PXDNL: variants seen among roughly 807,000 people sequenced by gnomAD.
PXDNL encodes the protein probable oxidoreductase PXDNL.
A neutral mutation model predicts 150.8 loss-of-function variants in PXDNL; 145 were observed. That is an observed-to-expected ratio of 0.96 (90% CI 0.84 to 1.10). The LOEUF is 1.10. Ranked by LOEUF, PXDNL falls within the 50% of genes least tolerant of loss-of-function variation. The probability of loss-of-function intolerance (pLI) is 0.00; values close to 1 mark genes in which losing one functional copy is unlikely to be tolerated. For synonymous variants in PXDNL, 757 were observed against 725.7 expected, an observed-to-expected ratio of 1.04 and a Z score of -0.69; for missense variants, 2,087 against 1,873.9, an observed-to-expected ratio of 1.11 and a Z score of -2.10.
chr8:51,741,944 T>C (rs1250245754), intron 1 of PXDNL, among the ~76,000 whole-genome samples: 1 of 152,182 alleles, frequency 6.6e-6, no homozygotes, highest in Non-Finnish European at 1.5e-5. Context: ...ACATAAAAGA[T>C]CACAGCGTTT....
At chr8:51,610,776 C>T (rs935431380) in intron 2 of PXDNL, among the ~76,000 whole-genome samples, 5 of 152,200 alleles carry the variant, frequency 3.3e-5, no homozygotes, top group African/African-American at 1.2e-4. Flanking sequence ...TGGAGAACTG[C>T]AGCCCTCAGC....
At chr8:51,578,037 GGAAGGAAGGAAGGAAA>G (rs1001157369) in intron 3 of PXDNL, among the ~76,000 whole-genome samples, 1 of 105,154 alleles carries the variant, frequency 9.5e-6, no homozygotes, top group Non-Finnish European at 1.8e-5. Flanking sequence ...AAGGAAGGAA[GGAAGGAAGGAAGGAAA>G]GAAAGAAAGG....
chr8:51,683,940 T>C (rs561267485), intron 1 of PXDNL, among the ~76,000 whole-genome samples: 61 of 152,310 alleles, frequency 4.0e-4, no homozygotes, highest in African/African-American at 1.4e-3. Context: ...TTCTGCCCCT[T>C]TCCCTCCCAC....
chr8:51,797,575 T>C (rs74753985), intron 1 of PXDNL, among the ~76,000 whole-genome samples: 1 of 152,088 alleles, frequency 6.6e-6, no homozygotes, highest in South Asian at 2.1e-4. Context: ...CCATTCACAA[T>C]TGCTACAAAG....
intron 12 of PXDNL, among the ~76,000 whole-genome samples, chr8:51,442,804 G>A (rs575273969): frequency 3.3e-5 from 5 of 151,850 alleles, no homozygotes; most frequent in Non-Finnish European, 5.9e-5. Context: ...GTGTGGATAC[G>A]CAAGGGCTTT....
intron 4 of PXDNL, among the ~76,000 whole-genome samples, chr8:51,519,196 G>A (rs987087854): frequency 6.6e-6 from 1 of 152,190 alleles, no homozygotes; most frequent in Non-Finnish European, 1.5e-5. Flanking sequence ...GATTGGATAT[G>A]TAGAACAAAA....
intron 3 of PXDNL, among the ~76,000 whole-genome samples, chr8:51,572,652 T>G (rs543245648): frequency 4.3e-4 from 62 of 142,544 alleles, no homozygotes; most frequent in Admixed American, 1.6e-3. Flanking sequence ...ATATGGTGAA[T>G]GTACTTTATG....
chr8:51,673,497 G>T (rs1815543077), intron 1 of PXDNL, among the ~76,000 whole-genome samples: 1 of 152,082 alleles, frequency 6.6e-6, no homozygotes, highest in Admixed American at 6.5e-5. Flanking sequence ...TAAGAAGAAA[G>T]ATCAGAAGCT....
intron 12 of PXDNL, among the ~76,000 whole-genome samples, chr8:51,444,446 G>A (rs765947076): frequency 6.6e-6 from 1 of 152,080 alleles, no homozygotes; most frequent in Non-Finnish European, 1.5e-5. Context: ...CAAATAATGA[G>A]ACAGAAGTGA....
intron 19 of PXDNL, among the ~76,000 whole-genome samples, chr8:51,363,464 G>A (rs1171582893): frequency 6.6e-6 from 1 of 152,144 alleles, no homozygotes; most frequent in African/African-American, 2.4e-5. Context: ...AACTCTAGGG[G>A]TTCCACGTGA....
intron 4 of PXDNL, among the ~76,000 whole-genome samples, chr8:51,516,425 C>A (rs529962648): frequency 3.3e-5 from 5 of 152,272 alleles, no homozygotes; most frequent in African/African-American, 1.2e-4. Flanking sequence ...CTTTGACAGA[C>A]ACAAATTACA....
intron 8 of PXDNL, among the ~76,000 whole-genome samples, 155 bp from the exon 9 acceptor site, chr8:51,457,822 A>G (rs1809970199): frequency 6.6e-6 from 1 of 152,196 alleles, no homozygotes; most frequent in Non-Finnish European, 1.5e-5. Context: ...TTCACTTTAA[A>G]TCCTAGTTAT....
chr8:51,501,406 G>A (rs901493019), intron 4 of PXDNL, among the ~76,000 whole-genome samples: 1 of 149,370 alleles, frequency 6.7e-6, no homozygotes, highest in Non-Finnish European at 1.5e-5. Flanking sequence ...ACTCTCACAT[G>A]CTCAGACTCC....
At chr8:51,358,030 A>T (rs1162050209) in intron 19 of PXDNL, among the ~76,000 whole-genome samples, 5 of 152,244 alleles carry the variant, frequency 3.3e-5, no homozygotes, top group African/African-American at 1.2e-4. Context: ...AAGATTCATT[A>T]TAAAAAAGAA....
chr8:51,676,327 A>G (rs1328886631), intron 1 of PXDNL, among the ~76,000 whole-genome samples: 6 of 151,636 alleles, frequency 4.0e-5, no homozygotes, highest in South Asian at 2.1e-4. Context: ...CCCAGGCTGG[A>G]GTGCAGTAGC....
At position 51,408,822 on chromosome 8, in the gene PXDNL, C is replaced by A; in HGVS notation, c.2802G>T (p.Leu934Phe). The A allele has an allele frequency of 6.4e-7, 1 of 1,571,216 alleles. No homozygotes were observed. Among genetic ancestry groups the A allele is most frequent in the Non-Finnish European group, 8.6e-7 (1 of 1,159,668 alleles). ...FPWPPSGKPL[L>F]PFSTGPPTEC... ...CGGTGGGTGGGCCTGTAGAAAAGGG[C>A]AATAAGGGCTTTCCGGAGGGAGGCC... The change falls in exon 17 of 23, where the codon TTG (leucine) becomes TTT (phenylalanine). Residue 934 changes from leucine (L) to phenylalanine (F), a missense_variant. Leu to Phe is a conservative substitution (Grantham distance 22). Transcript: ENST00000356297.
At chr8:51,428,397 A>C (rs1160578941) in intron 12 of PXDNL, among the ~76,000 whole-genome samples, 1 of 152,252 alleles carries the variant, frequency 6.6e-6, no homozygotes, top group African/African-American at 2.4e-5. Flanking sequence ...AAGGAACTAG[A>C]ATAGCTAAAT....
chr8:51,555,758 T>C (rs927933953), intron 4 of PXDNL, among the ~76,000 whole-genome samples: 1 of 152,212 alleles, frequency 6.6e-6, no homozygotes, highest in African/African-American at 2.4e-5. Flanking sequence ...ATCTTTTTAA[T>C]TATCTAATTA....
At chr8:51,595,109 T>G (rs1247570789) in intron 2 of PXDNL, among the ~76,000 whole-genome samples, 1 of 152,084 alleles carries the variant, frequency 6.6e-6, no homozygotes. Context: ...ATAAAACAAT[T>G]TCTGAAAACA....
Sources: gnomAD v4.1 joint callset for allele counts (sites outside exome capture counted in the v4.1 genomes callset) on GRCh38, gnomAD v4.1.1 for gene constraint, MANE v1.5 for transcripts, NCBI Gene and HGNC (gene_info 2026-07-23, HGNC 2026-07-21) for gene names.